GRID2: variants seen among roughly 807,000 people sequenced by gnomAD.
GRID2 encodes the protein glutamate ionotropic receptor delta type subunit 2.
In GRID2, 33 loss-of-function variants were observed where a neutral mutation model predicts 114.8. The ratio of observed to expected loss-of-function variants is 0.29; its 90% CI spans 0.22 to 0.38. The LOEUF (loss-of-function observed/expected upper bound fraction) is 0.38, where lower values mean the gene tolerates loss of function less well. Among genes scored for constraint, GRID2 ranks in the 10% least tolerant of loss-of-function variants. GRID2 has a pLI of 1.00. For synonymous variants in GRID2, 505 were observed against 449.9 expected (o/e 1.12, Z -1.55); for missense variants, 1,184 against 1,257.7 (o/e 0.94, Z 0.89).
chr4:93,556,504 A>G (rs1217820898), intron 13 of GRID2, among the ~76,000 whole-genome samples: 1 of 152,194 alleles, frequency 6.6e-6, no homozygotes, highest in African/African-American at 2.4e-5. Context: ...AAGAAAAGAT[A>G]TCAGAGATTG....
chr4:92,683,162 G>A (rs1206577635), intron 2 of GRID2, among the ~76,000 whole-genome samples: 1 of 152,016 alleles, frequency 6.6e-6, no homozygotes, highest in Non-Finnish European at 1.5e-5. Context: ...AGCTGGGCGT[G>A]GTGGCGGGCG....
At chr4:93,131,789 C>T (rs1216191672) in intron 4 of GRID2, among the ~76,000 whole-genome samples, 1 of 152,032 alleles carries the variant, frequency 6.6e-6, no homozygotes, top group African/African-American at 2.4e-5. Flanking sequence ...CTGGTTCTTA[C>T]AAGATATAAA....
At chr4:92,992,496 TATC>T (rs1436848792) in intron 2 of GRID2, among the ~76,000 whole-genome samples, 1 of 152,190 alleles carries the variant, frequency 6.6e-6, no homozygotes, top group Non-Finnish European at 1.5e-5. Context: ...TTTGGGGTAT[TATC>T]TTTATAAAAT....
At chr4:93,578,495 T>A (rs1430464297) in intron 13 of GRID2, among the ~76,000 whole-genome samples, 1 of 150,876 alleles carries the variant, frequency 6.6e-6, no homozygotes, top group Non-Finnish European at 1.5e-5. Context: ...TTACTTAGGA[T>A]GAGAAAAGCA....
downstream of GRID2, among the ~76,000 whole-genome samples, chr4:93,777,706 C>A (rs1402692216): frequency 6.6e-6 from 1 of 152,150 alleles, no homozygotes; most frequent in Non-Finnish European, 1.5e-5. Flanking sequence ...ACTAATTAAG[C>A]TTTCCTAACA....
At chr4:93,789,443 C>G (rs907268095) in intron 1 of GRID2, among the ~76,000 whole-genome samples, 1 of 152,162 alleles carries the variant, frequency 6.6e-6, no homozygotes, top group Non-Finnish European at 1.5e-5. Context: ...TCATAGAATA[C>G]TTGTTATTAC....
intron 1 of GRID2, among the ~76,000 whole-genome samples, chr4:92,470,981 C>A (rs954219767): frequency 2.0e-5 from 3 of 147,132 alleles, no homozygotes; most frequent in African/African-American, 5.2e-5. Flanking sequence ...ATTGGTACAA[C>A]TTTAAGTAGG....
At chr4:92,430,780 C>T (rs1732402188) in intron 1 of GRID2, among the ~76,000 whole-genome samples, 3 of 152,052 alleles carry the variant, frequency 2.0e-5, no homozygotes, top group Admixed American at 2.0e-4. Context: ...CAGTTACTTG[C>T]ATCAATGTTT....
intron 2 of GRID2, among the ~76,000 whole-genome samples, chr4:92,881,127 GC>G (rs1184011315): frequency 6.6e-6 from 1 of 152,056 alleles, no homozygotes; most frequent in Non-Finnish European, 1.5e-5. Flanking sequence ...GGAATCCAAA[GC>G]CTGACCTCAG....
At chr4:92,737,439 A>G (rs950433417) in intron 2 of GRID2, among the ~76,000 whole-genome samples, 1 of 152,098 alleles carries the variant, frequency 6.6e-6, no homozygotes, top group African/African-American at 2.4e-5. Flanking sequence ...CAAGCTACTA[A>G]GAATACTCAT....
Position 92,304,695 on chromosome 4 carries a change from G to A in GRID2, c.39G>A (p.Trp13Ter). The A allele has an allele frequency of 6.2e-7, 1 of 1,613,804 alleles. No homozygotes were observed. The highest frequency in any genetic ancestry group is 8.5e-7 in the Non-Finnish European group (1 of 1,179,710). Residue 13 changes from tryptophan (W) to a stop codon, truncating the protein, a stop_gained, in exon 1 of 16, where the codon TGG becomes TGA. Transcript: ENST00000282020. LOFTEE classifies it high-confidence loss of function. ...CCTTTCTCTTGGTTTTGTCCGTCTGGTGGTCTCGAACCTGGGACTCGGCGA... is the reference window on the plus strand; with the variant it reads ...CCTTTCTCTTGGTTTTGTCCGTCTGATGGTCTCGAACCTGGGACTCGGCGA... ...VFPFLLVLSV[W>*]WSRTWDSANA...
At position 92,517,414 on chromosome 4, in the gene GRID2, C is replaced by A. The variant is rs1724550751; in HGVS notation, c.89-72717C>A. On this transcript the variant is annotated intron_variant, in intron 1 of 15. Transcript: ENST00000282020. ...GTAAACAAAAATGAAAGTGTTCATACCTTTGAGGATATAATGATACTTTGT... is the reference window on the plus strand; with the variant it reads ...GTAAACAAAAATGAAAGTGTTCATAACTTTGAGGATATAATGATACTTTGT... Among the ~76,000 whole-genome samples, 3 of 151,766 alleles carry A rather than the reference C, an allele frequency of 2.0e-5. No homozygotes were observed. In the South Asian group the frequency reaches 6.2e-4, roughly 31 times the overall value.
In GRID2 at chr4:93,294,508, A is replaced by G. The variant is rs189683176; in HGVS notation, c.1245+56018A>G. ...CATGGCAGCAAGGACAGAAGAAAAA[A>G]CATCTAGGATATTAATGCAATAAGT... On this transcript the variant is annotated intron_variant, in intron 8 of 15. Transcript: ENST00000282020. Among the ~76,000 whole-genome samples the G allele has an allele frequency of 1.5e-4, 23 of 152,290 alleles. No homozygotes were observed. In the East Asian group the frequency reaches 4.3e-3, roughly 28 times the overall value.
At chr4:93,569,820 A>G (rs886344928) in intron 13 of GRID2, among the ~76,000 whole-genome samples, 2 of 152,070 alleles carry the variant, frequency 1.3e-5, no homozygotes, top group Non-Finnish European at 2.9e-5. Context: ...CATTCATCTC[A>G]GTTCAAATGT....
chr4:92,870,470 A>G (rs1057443298), intron 2 of GRID2, among the ~76,000 whole-genome samples: 27 of 152,124 alleles, frequency 1.8e-4, no homozygotes, highest in African/African-American at 6.5e-4. Flanking sequence ...AAGTGTTTCC[A>G]AAATTTGTTC....
At chr4:93,535,149 G>A (rs1731907231) in intron 13 of GRID2, among the ~76,000 whole-genome samples, 1 of 150,442 alleles carries the variant, frequency 6.6e-6, no homozygotes, top group Non-Finnish European at 1.5e-5. Context: ...TTTCCTCTAG[G>A]TCTATCCATG....
chr4:92,809,815 C>T (rs1740584429), intron 2 of GRID2, among the ~76,000 whole-genome samples: 2 of 151,908 alleles, frequency 1.3e-5, no homozygotes, highest in Admixed American at 6.6e-5. Context: ...CTATTTTATT[C>T]TTTATTGCAT....
intron 1 of GRID2, among the ~76,000 whole-genome samples, chr4:92,316,782 TC>T (rs1726006659): frequency 6.6e-6 from 1 of 152,088 alleles, no homozygotes; most frequent in Non-Finnish European, 1.5e-5. Flanking sequence ...AACATATATT[TC>T]AGAAAAAGAC....
chr4:93,154,624 G>T lies in GRID2; in HGVS notation c.735+43671G>T, dbSNP rs1054485411. On this transcript the variant is annotated intron_variant, in intron 4 of 15. Coordinates refer to ENST00000282020, the MANE Select transcript of GRID2 (RefSeq NM_001510.4). ...TTATATAATAATTCTTCTAGGTAAA[G>T]AAATATCTTAAAAGTATCTGATTGA... Among the ~76,000 whole-genome samples the T allele has an allele frequency of 1.1e-4, 17 of 151,938 alleles. 1 individual carries two copies. Among genetic ancestry groups the T allele is most frequent in the Admixed American group, 1.1e-3 (17 of 15,214 alleles).
Sources: allele counts gnomAD v4.1 joint callset (sites outside exome capture counted in the v4.1 genomes callset), GRCh38; gene constraint gnomAD v4.1.1; transcripts MANE v1.5; gene names NCBI Gene and HGNC (gene_info 2026-07-23, HGNC 2026-07-21).